Variants in CHM observed in about 807,000 individuals in gnomAD.
CHM encodes rab proteins geranylgeranyltransferase component A 1.
A neutral mutation model predicts 49.0 loss-of-function variants in CHM; 10 were observed. That is an observed-to-expected ratio of 0.20 (90% CI 0.13 to 0.35). The LOEUF is 0.35. CHM is among the 10% of genes least tolerant of loss of function. The pLI, the probability that CHM is intolerant of heterozygous loss-of-function variation, is 1.00. For missense variants in CHM, 455 were observed against 478.4 expected, an observed-to-expected ratio of 0.95 and a Z score of 0.46; for synonymous variants, 184 against 167.5, an observed-to-expected ratio of 1.10 and a Z score of -0.76.
intron 12 of CHM, among the ~76,000 whole-genome samples, chrX:85,881,173 T>C (rs955607583): frequency 8.9e-6 from 1 of 111,854 alleles, no homozygotes. Context: ...TAAATAGATA[T>C]GCATTCCCAT....
intron 2 of CHM, among the ~76,000 whole-genome samples, chrX:86,022,916 A>G (rs1375877865): frequency 9.0e-6 from 1 of 111,336 alleles, no homozygotes; most frequent in Non-Finnish European, 1.9e-5. Context: ...ACCATCCACC[A>G]AACGGCTCAA....
intron 5 of CHM, among the ~76,000 whole-genome samples, chrX:85,960,361 A>G (rs1930229919): frequency 9.0e-6 from 1 of 111,652 alleles, no homozygotes; most frequent in Non-Finnish European, 1.9e-5. Flanking sequence ...AATTAAAATT[A>G]TACTAGATTT....
chrX:85,971,070 AT>A (rs1930872240), intron 4 of CHM: 1 of 619,621 alleles, frequency 1.6e-6, no homozygotes, highest in African/African-American at 2.5e-5. Context: ...TATCCTATAT[AT>A]TTATATTAGA....
At chrX:85,958,278 T>C (rs751788278) in intron 6 of CHM, among the ~76,000 whole-genome samples, 1 of 110,242 alleles carries the variant, frequency 9.1e-6, no homozygotes. Context: ...CCTATGTACA[T>C]GTTAGTACAT....
At position 85,971,153 on chromosome X, in the gene CHM, C is replaced by T; in HGVS notation, c.315-7101G>A. The T allele has an allele frequency of 4.0e-6, 3 of 750,288 alleles. 1 individual carries two copies. Among genetic ancestry groups the T allele is most frequent in the Non-Finnish European group, 4.7e-6 (3 of 637,212 alleles). 61.8% of individuals were successfully genotyped at this position (750,288 alleles called of 1,213,427 possible). On this transcript the variant is annotated intron_variant, in intron 4 of 14. Coordinates refer to ENST00000357749, the MANE Select transcript of CHM (RefSeq NM_000390.4). ...ATATTAGAATTATATTGCCCAAATA[C>T]TTTGACGTATTTTCCAAGCAGTGGT...
intron 2 of CHM, among the ~76,000 whole-genome samples, chrX:85,984,992 G>A (rs763482514): frequency 8.9e-6 from 1 of 111,845 alleles, no homozygotes; most frequent in Non-Finnish European, 1.9e-5. Flanking sequence ...AAAGAAGTGG[G>A]AGGTTAGACC....
chrX:85,987,172 C>T (rs1302656543), intron 2 of CHM, among the ~76,000 whole-genome samples: 1 of 111,708 alleles, frequency 9.0e-6, no homozygotes, highest in Non-Finnish European at 1.9e-5. Flanking sequence ...TGTAAACAGG[C>T]AAAATCTATA....
intron 2 of CHM, among the ~76,000 whole-genome samples, chrX:85,994,622 T>G: frequency 9.0e-6 from 1 of 111,648 alleles, no homozygotes; most frequent in East Asian, 2.8e-4. Context: ...AATAGCAAAA[T>G]TAGAATGTCA....
chrX:85,974,872 C>A (rs184527719), intron 4 of CHM, among the ~76,000 whole-genome samples: 2,931 of 111,095 alleles, frequency 0.026, 41 homozygotes, highest in Non-Finnish European at 0.045. Context: ...ATTTGCTCTG[C>A]AAAATATCCT....
intron 14 of CHM, among the ~76,000 whole-genome samples, chrX:85,865,503 G>A (rs73521963): frequency 0.035 from 3,897 of 111,588 alleles, 142 homozygotes; most frequent in African/African-American, 0.11. Context: ...AGAGGCACTA[G>A]CATTGAGAAT....
intron 4 of CHM, chrX:85,970,251 T>C (rs932960160): frequency 4.4e-5 from 33 of 747,556 alleles, no homozygotes; most frequent in Non-Finnish European, 5.0e-5. Context: ...GCATATAAAC[T>C]GGTCTCAACA....
At chrX:85,976,634 A>G in intron 4 of CHM, among the ~76,000 whole-genome samples, 1 of 110,348 alleles carries the variant, frequency 9.1e-6, no homozygotes. Context: ...AAAAAAAAAA[A>G]AATAGTAGCA....
In CHM at chrX:85,957,510, C is replaced by T. The variant is rs188527090; in HGVS notation, c.940+345G>A. 6.4e-5 allele frequency among the ~76,000 whole-genome samples: 7 copies of T among 109,951 alleles called. No homozygotes were observed. The East Asian group carries it at 2.0e-3, about 31-fold the overall frequency. ...TAATGGAATCATGAAAACAGATTAT[C>T]ATCTATGAAGAGCCAGTTGACAGTA... On this transcript the variant is annotated intron_variant, in intron 7 of 14. Transcript: ENST00000357749.
intron 2 of CHM, among the ~76,000 whole-genome samples, chrX:86,020,725 G>A (rs1249795607): frequency 6.0e-5 from 6 of 100,539 alleles, no homozygotes; most frequent in South Asian, 4.2e-4. Context: ...TCCGATATCC[G>A]AAACACTTCT....
intron 1 of CHM, among the ~76,000 whole-genome samples, chrX:86,038,803 G>T (rs897689660): frequency 4.5e-5 from 5 of 112,007 alleles, no homozygotes; most frequent in African/African-American, 1.6e-4. Context: ...TCAATAATAA[G>T]AAGCTGACAT....
intron 13 of CHM, 129 bp from the exon 14 acceptor site, chrX:85,873,341 A>G: frequency 2.1e-6 from 1 of 472,181 alleles, no homozygotes; most frequent in Non-Finnish European, 3.6e-6. Context: ...GTATGTAAAC[A>G]TTTAGTAAAT....
chrX:85,998,151 T>A (rs1466627139), intron 2 of CHM, among the ~76,000 whole-genome samples: 2 of 110,992 alleles, frequency 1.8e-5, no homozygotes, highest in African/African-American at 6.6e-5. Flanking sequence ...AAAAAAAAAA[T>A]TAATTTTTTA....
intron 2 of CHM, among the ~76,000 whole-genome samples, chrX:86,004,052 A>C (rs948017294): frequency 1.1e-4 from 12 of 112,422 alleles, no homozygotes; most frequent in African/African-American, 3.9e-4. Flanking sequence ...CATCAGACTA[A>C]CAGCGGATCT....
intron 11 of CHM, among the ~76,000 whole-genome samples, chrX:85,897,380 T>G (rs1335261522): frequency 1.0e-5 from 1 of 98,132 alleles, no homozygotes; most frequent in African/African-American, 3.8e-5. Context: ...CCAGCAGCAG[T>G]GGGGAGAGGC....
Sources: gnomAD v4.1 joint callset for allele counts (sites outside exome capture counted in the v4.1 genomes callset) on GRCh38, gnomAD v4.1.1 for gene constraint, MANE v1.5 for transcripts, NCBI Gene and HGNC (gene_info 2026-07-23, HGNC 2026-07-21) for gene names.